Variants in NF1 observed in about 807,000 individuals in gnomAD.
NF1 encodes neurofibromin.
In NF1, 122 loss-of-function variants were observed where a neutral mutation model predicts 325.7. That is an observed-to-expected ratio of 0.37 (90% CI 0.32 to 0.44). The LOEUF (loss-of-function observed/expected upper bound fraction) is 0.44. NF1 is among the 20% of genes least tolerant of loss of function. The pLI, the probability that NF1 is intolerant of heterozygous loss-of-function variation, is 1.00. For missense variants in NF1, 2,140 were observed against 3,415.4 expected (o/e 0.63, Z 9.31); for synonymous variants, 1,091 against 1,186.0 (o/e 0.92, Z 1.65).
At chr17:31,246,103 A>G (rs2067385972) in intron 29 of NF1, among the ~76,000 whole-genome samples, 1 of 152,220 alleles carries the variant, frequency 6.6e-6, no homozygotes, top group Admixed American at 6.5e-5. Context: ...TGTATTGAGT[A>G]CTTAGTGTGG....
rs201287021 is a variant in NF1, at chr17:31,350,229, A to G, written c.7368A>G (p.Lys2456=). The G allele has an allele frequency of 1.7e-4, 276 of 1,613,958 alleles. No homozygotes were observed. The East Asian group carries it at 5.1e-3, about 30-fold the overall frequency. ...AAGTTCGAAGTCGCTGCAGCCTAAA[A>G]CATAGAAAGTCACTTCTTCTTACTG... is the stretch of plus-strand genomic sequence containing the variant. ...SEEVRSRCSL[K]HRKSLLLTDI... Residue 2456 remains lysine (K), a synonymous_variant, in exon 50 of 58, where the codon AAA becomes AAG. Coordinates refer to ENST00000358273, the MANE Select transcript of NF1 (RefSeq NM_001042492.3).
chr17:31,240,390 T>G (rs2067275234), intron 29 of NF1, among the ~76,000 whole-genome samples: 1 of 152,200 alleles, frequency 6.6e-6, no homozygotes, highest in Non-Finnish European at 1.5e-5. Flanking sequence ...GTTCCATCCG[T>G]GTTGTTGCAA....
chr17:31,218,620 G>A (rs2066865460), intron 13 of NF1, among the ~76,000 whole-genome samples: 1 of 151,250 alleles, frequency 6.6e-6, no homozygotes, highest in Non-Finnish European at 1.5e-5. Flanking sequence ...CACCCAGGCT[G>A]GAGTGCAGCG....
At chr17:31,101,129 A>G (rs1912294625) in intron 1 of NF1, among the ~76,000 whole-genome samples, 1 of 151,692 alleles carries the variant, frequency 6.6e-6, no homozygotes, top group South Asian at 2.1e-4. Context: ...CATTTCCTTT[A>G]TAACTCTGAA....
chr17:31,235,732 G>A lies in NF1; in HGVS notation c.3830G>A (p.Gly1277Asp), dbSNP rs1555615480. 1 of 1,613,976 alleles carries A rather than the reference G, an allele frequency of 6.2e-7. No homozygotes were observed. The highest frequency in any genetic ancestry group is 8.5e-7 in the Non-Finnish European group (1 of 1,180,010). ...GACTCCATGCAGACTCTCTTCCGAG[G>A]CAACAGCTTGGCCAGTAAAATAATG... ...LADSMQTLFR[G>D]NSLASKIMTF... Residue 1277 changes from glycine to aspartate, a missense_variant, in exon 28 of 58, where the codon GGC becomes GAC. Around this residue, in one of 10 missense-constraint regions of NF1, gnomAD observed 336 missense variants for 399.0 expected, o/e 0.84. Transcript: ENST00000358273.
At chr17:31,307,826 G>T in intron 36 of NF1, 1 of 1,125,428 alleles carries the variant, frequency 8.9e-7, no homozygotes, top group Non-Finnish European at 1.2e-6. Context: ...TGACTCATAA[G>T]CCTATATTTA....
chr17:31,213,820 C>T (rs541854976), intron 12 of NF1, among the ~76,000 whole-genome samples: 9 of 152,126 alleles, frequency 5.9e-5, no homozygotes, highest in Admixed American at 2.6e-4. Flanking sequence ...GGTGGAGTGC[C>T]GTCGAAGGAA....
intron 1 of NF1, among the ~76,000 whole-genome samples, chr17:31,121,896 C>T (rs1397305057): frequency 6.6e-6 from 1 of 152,076 alleles, no homozygotes; most frequent in African/African-American, 2.4e-5. Flanking sequence ...ACTTTTTCAT[C>T]CTACAAAAAT....
chr17:31,263,102 GGT>G (rs1373121683), intron 35 of NF1, among the ~76,000 whole-genome samples: 28 of 90,034 alleles, frequency 3.1e-4, no homozygotes, highest in African/African-American at 7.2e-4. Flanking sequence ...TAGGTAGGTA[GGT>G]AGGTAGATAG....
intron 37 of NF1, among the ~76,000 whole-genome samples, chr17:31,326,502 G>A (rs891838215): frequency 2.0e-5 from 3 of 152,130 alleles, no homozygotes; most frequent in South Asian, 2.1e-4. Context: ...ACAAACATTA[G>A]CCGGGTATGG....
intron 8 of NF1, among the ~76,000 whole-genome samples, chr17:31,192,668 A>G (rs978593765): frequency 6.6e-6 from 1 of 152,172 alleles, no homozygotes; most frequent in African/African-American, 2.4e-5. Flanking sequence ...GGAAAAGGGG[A>G]TTCTCTATAG....
chr17:31,258,518 A>T lies in NF1; in HGVS notation c.4332+16A>T, dbSNP rs2151462274. ...AATGTCAAAGGTGAATTATTTTGATAATCTAGCTATCTTAAATTCCCCTTC... is the reference window on the plus strand; with the variant it reads ...AATGTCAAAGGTGAATTATTTTGATTATCTAGCTATCTTAAATTCCCCTTC... On this transcript the variant is annotated intron_variant, in intron 32 of 57. Coordinates refer to ENST00000358273, the MANE Select transcript of NF1 (RefSeq NM_001042492.3). 1 of 1,612,796 alleles carries T rather than the reference A, an allele frequency of 6.2e-7. No homozygotes were observed. Among genetic ancestry groups the T allele is most frequent in the East Asian group, 2.2e-5 (1 of 44,808 alleles).
intron 29 of NF1, among the ~76,000 whole-genome samples, chr17:31,243,399 G>C (rs1055803604): frequency 1.1e-4 from 16 of 151,856 alleles, no homozygotes; most frequent in African/African-American, 3.9e-4. Flanking sequence ...CTTTCGTTCA[G>C]GCAGTGAGTT....
At chr17:31,189,302 C>T (rs527766442) in intron 8 of NF1, among the ~76,000 whole-genome samples, 5 of 147,606 alleles carry the variant, frequency 3.4e-5, no homozygotes, top group Non-Finnish European at 7.5e-5. Context: ...TGCATGTAGT[C>T]ACCTCAGCCT....
chr17:31,177,624 A>G (rs1199252137), intron 5 of NF1, among the ~76,000 whole-genome samples: 1 of 152,074 alleles, frequency 6.6e-6, no homozygotes, highest in African/African-American at 2.4e-5. Context: ...AACCTGGAAA[A>G]AAGGTTAGAC....
Position 31,230,824 on chromosome 17 carries a change from T to C in NF1, c.3114-18T>C. 1 of 1,556,350 alleles carries C rather than the reference T, an allele frequency of 6.4e-7. No homozygotes were observed. On this transcript the variant is annotated intron_variant, in intron 23 of 57. Transcript: ENST00000358273. ...AAAAACATTGTTTGCTGTTTCTCTT[T>C]TCTCCACCATTCTATAGGAATAAGA...
intron 8 of NF1, among the ~76,000 whole-genome samples, chr17:31,195,509 C>T (rs1459436195): frequency 6.6e-6 from 1 of 152,132 alleles, no homozygotes; most frequent in Non-Finnish European, 1.5e-5. Flanking sequence ...AAAACAAATT[C>T]TGTATCTATT....
chr17:31,371,217 GAAT>G (rs762829578), intron 57 of NF1, among the ~76,000 whole-genome samples: 47 of 152,172 alleles, frequency 3.1e-4, no homozygotes, highest in Non-Finnish European at 5.0e-4. Context: ...AAACAAAAAT[GAAT>G]AATAATGATC....
chr17:31,243,180 CTGTCTG>C (rs1410706858), intron 29 of NF1, among the ~76,000 whole-genome samples: 2 of 73,260 alleles, frequency 2.7e-5, no homozygotes, highest in Non-Finnish European at 4.8e-5. Context: ...GTCTCTCTCT[CTGTCTG>C]TGTGTGTGTG....
Sources: gnomAD v4.1 joint callset for allele counts (sites outside exome capture counted in the v4.1 genomes callset) on GRCh38, gnomAD v4.1.1 for gene constraint, gnomAD v4.1.1 regional missense constraint, MANE v1.5 for transcripts, NCBI Gene and HGNC (gene_info 2026-07-23, HGNC 2026-07-21) for gene names.